The following GATAD2A variants were observed in gnomAD, a reference collection of about 807,000 sequenced individuals.
GATAD2A encodes transcriptional repressor p66-alpha.
A neutral mutation model predicts 68.5 loss-of-function variants in GATAD2A; 12 were observed. The ratio of observed to expected loss-of-function variants is 0.18; its 90% CI spans 0.11 to 0.28. The LOEUF is 0.28. Ranked by LOEUF, GATAD2A falls within the 10% of genes least tolerant of loss-of-function variation. The pLI is 1.00. For missense variants in GATAD2A, 755 were observed against 868.5 expected (o/e 0.87, Z 1.64); for synonymous variants, 410 against 375.3 (o/e 1.09, Z -1.07).
intron 2 of GATAD2A, among the ~76,000 whole-genome samples, chr19:19,470,654 C>A (rs1165494034): frequency 1.3e-5 from 2 of 152,020 alleles, no homozygotes; most frequent in Non-Finnish European, 2.9e-5. Context: ...TGTAGAATAC[C>A]TGGTGAATGC....
At chr19:19,399,096 C>T (rs999921561) in intron 1 of GATAD2A, among the ~76,000 whole-genome samples, 4 of 152,090 alleles carry the variant, frequency 2.6e-5, no homozygotes, top group African/African-American at 7.2e-5. Flanking sequence ...TGGTGGCCCA[C>T]GCCTGTAATC....
chr19:19,406,291 G>A (rs925292975), intron 1 of GATAD2A, among the ~76,000 whole-genome samples: 5 of 151,768 alleles, frequency 3.3e-5, no homozygotes, highest in Non-Finnish European at 7.4e-5. Flanking sequence ...CTTCCGTCCT[G>A]CGCTTCCTGC....
At chr19:19,475,663 G>A (rs139080550) in intron 2 of GATAD2A, among the ~76,000 whole-genome samples, 229 of 152,326 alleles carry the variant, frequency 1.5e-3, no homozygotes, top group African/African-American at 5.3e-3. Flanking sequence ...CTTAGCTCAT[G>A]GGAACTGAGA....
At chr19:19,421,253 C>T (rs2052383211) in intron 1 of GATAD2A, among the ~76,000 whole-genome samples, 2 of 152,016 alleles carry the variant, frequency 1.3e-5, no homozygotes, top group African/African-American at 4.8e-5. Context: ...GGAGGGAGGG[C>T]CAGGGAGGTG....
rs1375005989 is a variant in GATAD2A at position 19,507,713 on chromosome 19, G to C, written c.*2239G>C. ...AGAGGGTCGGCCCCATGTCCCCAGGGAGCATTCCATCAGGGACAACGTACA... is the reference window on the plus strand; with the variant it reads ...AGAGGGTCGGCCCCATGTCCCCAGGCAGCATTCCATCAGGGACAACGTACA... On this transcript the variant is annotated 3_prime_UTR_variant, in exon 12 of 12. Transcript: ENST00000683918. The C allele has an allele frequency of 6.6e-6, 1 of 152,104 alleles. No homozygotes were observed. Among genetic ancestry groups the C allele is most frequent in the Non-Finnish European group, 1.5e-5 (1 of 68,030 alleles). 9.4% of individuals were successfully genotyped at this position (152,104 alleles called of 1,614,324 possible). A position where few individuals can be genotyped will look rare whatever the true frequency, so the allele number is the denominator to read the frequency against.
rs1241275301 is a variant in GATAD2A, at chr19:19,496,106, G to GC, written c.817dup (p.Arg273ProfsTer58). On this transcript the variant is annotated frameshift_variant, in exon 7 of 12. Coordinates refer to ENST00000683918, the MANE Select transcript of GATAD2A (RefSeq NM_001384528.1). LOFTEE classifies it high-confidence loss of function. ...CACAGGGCCACCGCCCCTCCTCCTGGCCCCCCGGGCGTCGGTGCCCAGTGT... is the reference window on the plus strand; with the variant it reads ...CACAGGGCCACCGCCCCTCCTCCTGGCCCCCCCGGGCGTCGGTGCCCAGTGT... 1.9e-6 allele frequency: 3 copies of GC among 1,613,402 alleles called. No homozygotes were observed. The highest frequency in any genetic ancestry group is 1.3e-5 in the African/African-American group (1 of 75,016).
At chr19:19,466,913 G>A (rs1016694409) in intron 2 of GATAD2A, among the ~76,000 whole-genome samples, 1 of 152,200 alleles carries the variant, frequency 6.6e-6, no homozygotes, top group Non-Finnish European at 1.5e-5. Flanking sequence ...GGGCTGGTGT[G>A]GAGTCAGGGC....
intron 2 of GATAD2A, among the ~76,000 whole-genome samples, chr19:19,489,728 A>T (rs2059660088): frequency 6.6e-6 from 1 of 152,258 alleles, no homozygotes; most frequent in Non-Finnish European, 1.5e-5. Context: ...ATAAGATGAT[A>T]AGAAGGGTTA....
chr19:19,400,614 C>T (rs535450675), intron 1 of GATAD2A, among the ~76,000 whole-genome samples: 73 of 152,266 alleles, frequency 4.8e-4, no homozygotes, highest in African/African-American at 1.7e-3. Context: ...TTTCTGGTCC[C>T]TCCCTGAAGA....
chr19:19,399,592 A>G (rs1301960097), intron 1 of GATAD2A, among the ~76,000 whole-genome samples: 1 of 152,224 alleles, frequency 6.6e-6, no homozygotes, highest in Non-Finnish European at 1.5e-5. Flanking sequence ...TTTGAAATAA[A>G]TATCTTAGTC....
In GATAD2A at chr19:19,505,546, C is replaced by T. The variant is rs569229777; in HGVS notation, c.*72C>T. 9.4e-4 allele frequency: 1,274 copies of T among 1,354,748 alleles called. 17 individuals carry two copies. The South Asian group carries it at 0.017, about 18-fold the overall frequency. The allele number at this position is 1,354,748 out of a possible 1,614,324, so 83.9% of individuals were successfully genotyped here. ...GCCCCTGGTCTAGAAGGACCCACTG[C>T]ACCACCCTCCGCTGGCTCGGGAAGA... On this transcript the variant is annotated 3_prime_UTR_variant, in exon 12 of 12. Transcript: ENST00000683918.
intron 1 of GATAD2A, chr19:19,435,210 A>G (rs2054195900): frequency 4.1e-6 from 2 of 481,988 alleles, no homozygotes; most frequent in East Asian, 5.9e-5. Context: ...CTAAGTACCT[A>G]TTAAATGCTA....
At chr19:19,405,067 C>T (rs2050064336), upstream of GATAD2A, among the ~76,000 whole-genome samples, 1 of 152,074 alleles carries the variant, frequency 6.6e-6, no homozygotes, top group Admixed American at 6.6e-5. Flanking sequence ...GATTTGCTTT[C>T]TTGAGGGGTT....
At chr19:19,432,817 G>T (rs1481547088) in intron 1 of GATAD2A, among the ~76,000 whole-genome samples, 1 of 152,236 alleles carries the variant, frequency 6.6e-6, no homozygotes, top group Admixed American at 6.5e-5. Flanking sequence ...TGCAGGCAGT[G>T]TGTGGGCCTC....
At chr19:19,445,922 G>A (rs562318553) in intron 1 of GATAD2A, among the ~76,000 whole-genome samples, 1 of 152,076 alleles carries the variant, frequency 6.6e-6, no homozygotes, top group South Asian at 2.1e-4. Context: ...CAGCTCTCTT[G>A]GATATACCTA....
chr19:19,471,647 T>A (rs779700935), intron 2 of GATAD2A, among the ~76,000 whole-genome samples: 3 of 152,240 alleles, frequency 2.0e-5, no homozygotes, highest in Non-Finnish European at 2.9e-5. Context: ...TTACGGTGGC[T>A]GAATTTTGCG....
chr19:19,401,001 G>A (rs868809301), upstream of GATAD2A, among the ~76,000 whole-genome samples: 7 of 151,910 alleles, frequency 4.6e-5, no homozygotes, highest in Non-Finnish European at 1.0e-4. Context: ...ATTAGCTGGT[G>A]TGGTAGCACG....
At chr19:19,415,957 G>GT (rs2051574158) in intron 1 of GATAD2A, among the ~76,000 whole-genome samples, 2 of 103,276 alleles carry the variant, frequency 1.9e-5, no homozygotes, top group Admixed American at 8.8e-5. Context: ...TTCCCTGTAT[G>GT]GTTTTTTTTC....
chr19:19,456,153 C>CAA (rs397859145), intron 1 of GATAD2A, among the ~76,000 whole-genome samples: 7 of 94,236 alleles, frequency 7.4e-5, no homozygotes, highest in Admixed American at 3.2e-4. Context: ...GACTCCATCT[C>CAA]AAAAAAAAAA....
Sources: gnomAD v4.1 joint callset for allele counts (sites outside exome capture counted in the v4.1 genomes callset) on GRCh38, gnomAD v4.1.1 for gene constraint, MANE v1.5 for transcripts, NCBI Gene and HGNC (gene_info 2026-07-23, HGNC 2026-07-21) for gene names.